MAP4: variants seen among roughly 807,000 people sequenced by gnomAD.
MAP4 encodes microtubule-associated protein 4.
Under a neutral mutation model 170.2 loss-of-function variants are expected in MAP4, and 76 were observed. The ratio of observed to expected loss-of-function variants is 0.45; its 90% confidence interval spans 0.37 to 0.54. The LOEUF (loss-of-function observed/expected upper bound fraction) is 0.54, where lower values mean the gene tolerates loss of function less well. Among genes scored for constraint, MAP4 ranks in the 20% least tolerant of loss-of-function variants. The probability of loss-of-function intolerance (pLI) is 0.00; values close to 1 mark genes in which losing one functional copy is unlikely to be tolerated. For synonymous variants in MAP4, 909 were observed against 994.5 expected, an observed-to-expected ratio of 0.91 and a Z score of 1.62; for missense variants, 2,506 against 2,748.0, an observed-to-expected ratio of 0.91 and a Z score of 1.97.
chr3:47,921,009 G>A (rs1456556286), intron 5 of MAP4, among the ~76,000 whole-genome samples: 1 of 152,150 alleles, frequency 6.6e-6, no homozygotes, highest in Admixed American at 6.5e-5. Flanking sequence ...AATTAGCCAG[G>A]CATAGTGGTA....
intron 3 of MAP4, among the ~76,000 whole-genome samples, chr3:47,971,673 C>T (rs2100078841): frequency 6.6e-6 from 1 of 152,170 alleles, no homozygotes; most frequent in Admixed American, 6.5e-5. Flanking sequence ...CTTTATCCCA[C>T]AAATAATTTG....
chr3:47,882,216 T>C (rs1577015802), intron 10 of MAP4, among the ~76,000 whole-genome samples: 1 of 152,128 alleles, frequency 6.6e-6, no homozygotes, highest in South Asian at 2.1e-4. Flanking sequence ...GAAGTGAAGG[T>C]TGCAGTGATC....
At chr3:47,866,029 A>G (rs941345068) in intron 17 of MAP4, among the ~76,000 whole-genome samples, 5 of 152,138 alleles carry the variant, frequency 3.3e-5, no homozygotes, top group African/African-American at 7.2e-5. Flanking sequence ...GTGGAAGAGG[A>G]AAGAGGACAA....
rs71625847 is a variant in MAP4, at chr3:48,030,798, C to CAAAAA, written c.-19-31924_-19-31920dup. On this transcript the variant is annotated intron_variant, in intron 1 of 18. Transcript: ENST00000360240. ...TGGGCGACAGAGTAAGACTCCATCT[C>CAAAAA]AAAAAAAAAAAAAAAAAAAAAAAAA... Among the ~76,000 whole-genome samples the CAAAAA allele has an allele frequency of 8.6e-4, 25 of 29,102 alleles. 2 individuals carry two copies. The highest frequency in any genetic ancestry group is 1.6e-3 in the Non-Finnish European group (25 of 15,640). 19.1% of individuals were successfully genotyped at this position (29,102 alleles called of 152,430 possible).
rs765904966 is a variant in MAP4, at chr3:47,909,717, T to C, written c.4704A>G (p.Thr1568=). 2 of 1,614,056 alleles carry C rather than the reference T, an allele frequency of 1.2e-6. No homozygotes were observed. Among genetic ancestry groups the C allele is most frequent in the Non-Finnish European group, 1.7e-6 (2 of 1,179,896 alleles). Residue 1568 remains threonine, a synonymous_variant, in exon 9 of 21, where the codon ACA becomes ACG. Coordinates refer to ENST00000683076, the MANE Select transcript of MAP4 (RefSeq NM_001385682.1). ...GASKHSVEKV[T]ELAKGHLLPG... ...GAAGGAGGTGACCTTTTGCTAGCTC[T>C]GTGACTTTCTCTACTGAATGCTTAG...
At chr3:47,962,166 A>G (rs149198323) in intron 3 of MAP4, among the ~76,000 whole-genome samples, 1 of 152,356 alleles carries the variant, frequency 6.6e-6, no homozygotes, top group East Asian at 1.9e-4. Context: ...AATAACAGAT[A>G]TAAACAGCTA....
At chr3:48,029,755 T>A (rs1460579990) in intron 1 of MAP4, among the ~76,000 whole-genome samples, 1 of 152,136 alleles carries the variant, frequency 6.6e-6, no homozygotes, top group Non-Finnish European at 1.5e-5. Context: ...ATCCCAGCAC[T>A]TTGGGAGGCC....
At chr3:47,919,032 C>T (rs1054761343) in intron 5 of MAP4, among the ~76,000 whole-genome samples, 191 bp from the exon 6 acceptor site, 12 of 151,936 alleles carry the variant, frequency 7.9e-5, no homozygotes, top group Admixed American at 2.6e-4. Flanking sequence ...CCCGGGTTCA[C>T]GCCATTCTCC....
chr3:47,902,617 T>G (rs538239248), intron 10 of MAP4, among the ~76,000 whole-genome samples: 1 of 132,814 alleles, frequency 7.5e-6, no homozygotes, highest in African/African-American at 2.9e-5. Context: ...GAGGTTGCAG[T>G]GAGCCGAGAT....
chr3:47,906,795 T>TA (rs541813765), intron 9 of MAP4, among the ~76,000 whole-genome samples: 14,399 of 139,866 alleles, frequency 0.1, 2,355 homozygotes, highest in African/African-American at 0.35. Context: ...GAAAAAAGAT[T>TA]AAAAAAAAAA....
At chr3:47,917,255 AT>A (rs2100040181) in intron 6 of MAP4, 81 bp from the exon 7 acceptor site, 17 of 1,227,944 alleles carry the variant, frequency 1.4e-5, no homozygotes, top group Non-Finnish European at 2.0e-5. Flanking sequence ...GCATGAGAGT[AT>A]TTGGCTTTTG....
At position 47,853,318 on chromosome 3, in the gene MAP4, G is replaced by T; in HGVS notation, c.6731C>A (p.Pro2244Gln). ...EGGGSEAPLC[P>Q]GPPAGEEPAI... ...CGGCTCCTCCCCAGCAGGGGGACCC[G>T]GACACAGAGGAGCCTCGCTGCCACC... Residue 2244 changes from proline to glutamine, a missense_variant, in exon 20 of 21, where the codon CCG (proline) becomes CAG (glutamine). By Grantham distance (76) the Pro-to-Gln change is moderately conservative (BLOSUM62 -1). Around this residue, in one of 3 missense-constraint regions of MAP4, gnomAD observed 487 missense variants for 511.6 expected, o/e 0.95. Coordinates refer to ENST00000683076, the MANE Select transcript of MAP4 (RefSeq NM_001385682.1). 1 of 1,610,690 alleles carries T rather than the reference G, an allele frequency of 6.2e-7. No individual in the cohort carries two copies. The highest frequency in any genetic ancestry group is 1.1e-5 in the South Asian group (1 of 90,942).
chr3:48,056,615 TG>T (rs1187791155), intron 1 of MAP4, among the ~76,000 whole-genome samples: 2 of 104,324 alleles, frequency 1.9e-5, no homozygotes, highest in East Asian at 2.9e-4. Context: ...GGGAGGGAGG[TG>T]GGGGGGTCAG....
In MAP4 at chr3:47,853,010, AG is replaced by A. The variant is rs1374200940; in HGVS notation, c.6887-73del. 5 of 1,614,108 alleles carry A rather than the reference AG, an allele frequency of 3.1e-6. No individual in the cohort carries two copies. In the East Asian group the frequency reaches 1.1e-4, roughly 36 times the overall value. ...AAGAGGGGAACACGGGGGAGACGGA[AG>A]ACGAGACCAGAATGTCATCATTAGA... On this transcript the variant is annotated intron_variant, in intron 20 of 20. Transcript: ENST00000683076.
chr3:48,010,643 T>C (rs1208627745), intron 1 of MAP4, among the ~76,000 whole-genome samples: 1 of 152,112 alleles, frequency 6.6e-6, no homozygotes, highest in Non-Finnish European at 1.5e-5. Flanking sequence ...GTCAACTTGA[T>C]TGGACTGAAG....
intron 17 of MAP4, among the ~76,000 whole-genome samples, chr3:47,858,614 T>TGC (rs1553722126): frequency 9.3e-4 from 129 of 138,502 alleles, no homozygotes; most frequent in African/African-American, 2.9e-3. Flanking sequence ...TGTGTGTGTG[T>TGC]GCGCGTTGTG....
In MAP4 at chr3:47,972,857, G is replaced by T. The variant is rs1437265553; in HGVS notation, c.292+5008C>A. The stretch of plus-strand genomic sequence containing the variant: ...GCCGAGATCATGCCACTGCACTCCA[G>T]CCTGGGCGACAGAGCGAGACTCCGT... On this transcript the variant is annotated intron_variant, in intron 3 of 20. Coordinates refer to ENST00000683076, the MANE Select transcript of MAP4 (RefSeq NM_001385682.1). 2.6e-5 allele frequency among the ~76,000 whole-genome samples: 4 copies of T among 151,604 alleles called. No individual in the cohort carries two copies. The East Asian group carries it at 7.7e-4, about 29-fold the overall frequency.
upstream of MAP4, among the ~76,000 whole-genome samples, chr3:48,019,780 G>T (rs1256795901): frequency 6.6e-6 from 1 of 152,146 alleles, no homozygotes; most frequent in Non-Finnish European, 1.5e-5. Context: ...GGAGGCTGAG[G>T]TGGACGGATC....
intron 1 of MAP4, among the ~76,000 whole-genome samples, chr3:48,056,490 G>T (rs2100131747): frequency 1.2e-5 from 1 of 81,194 alleles, no homozygotes; most frequent in South Asian, 4.3e-4. Context: ...AGGGAGGTGG[G>T]GGGGGTCAGC....
Sources: gnomAD v4.1 joint callset for allele counts (sites outside exome capture counted in the v4.1 genomes callset) on GRCh38, gnomAD v4.1.1 for gene constraint, gnomAD v4.1.1 regional missense constraint, MANE v1.5 for transcripts, NCBI Gene and HGNC (gene_info 2026-07-23, HGNC 2026-07-21) for gene names.